The following PCDHA2 variants were observed in gnomAD, a reference collection of about 807,000 sequenced individuals.
The protein encoded by PCDHA2 is protocadherin alpha-2.
PCDHA2 carries 58 observed loss-of-function variants against 66.0 expected under a neutral mutation model. The observed-to-expected ratio is 0.88, with a 90% CI of 0.71 to 1.09. The LOEUF (loss-of-function observed/expected upper bound fraction) is 1.09, where lower values mean the gene tolerates loss of function less well. Among genes scored for constraint, PCDHA2 ranks in the 50% least tolerant of loss-of-function variants. The pLI, the probability that PCDHA2 is intolerant of heterozygous loss-of-function variation, is 0.00. For missense variants in PCDHA2, 1,267 were observed against 1,242.3 expected (o/e 1.02, Z -0.30); for synonymous variants, 634 against 554.0 (o/e 1.14, Z -2.03).
rs2150348656 is a variant in PCDHA2, at chr5:140,842,958, G to A, written c.2388+45606G>A. On this transcript the variant is annotated intron_variant, in intron 1 of 3. Transcript: ENST00000526136. ...CGCGACGCGGGCGTGCCGCCTCTGG[G>A]CAGCAACGTGACGCTGCAGGTGTTC... 1.4e-5 allele frequency: 22 copies of A among 1,594,922 alleles called. 1 individual carries two copies. The South Asian group carries it at 2.2e-4, about 16-fold the overall frequency.
At chr5:140,989,723 G>A (rs2097356372) in intron 3 of PCDHA2, among the ~76,000 whole-genome samples, 1 of 152,180 alleles carries the variant, frequency 6.6e-6, no homozygotes, top group African/African-American at 2.4e-5. Flanking sequence ...CAGCTTTGCA[G>A]TTGAAAAGGC....
Position 140,968,192 on chromosome 5 carries a change from A to G in PCDHA2, c.2389-10757A>G, listed in dbSNP as rs555596025. The G allele has an allele frequency of 2.5e-6, 4 of 1,614,038 alleles. No individual in the cohort carries two copies. The Admixed American group carries it at 5.0e-5, about 20-fold the overall frequency. ...AAGCTTCCTGGAGGACTCCTATTCC[A>G]TCTACATACAGGAGAACAATTTGCC... On this transcript the variant is annotated intron_variant, in intron 1 of 3. Coordinates refer to ENST00000526136, the MANE Select transcript of PCDHA2 (RefSeq NM_018905.3).
At chr5:140,910,116 A>C (rs1205054200) in intron 1 of PCDHA2, among the ~76,000 whole-genome samples, 1 of 152,222 alleles carries the variant, frequency 6.6e-6, no homozygotes, top group Non-Finnish European at 1.5e-5. Flanking sequence ...AAGGGATTCT[A>C]GGTCTGTAAA....
intron 1 of PCDHA2, among the ~76,000 whole-genome samples, chr5:140,800,356 G>T (rs1189483856): frequency 6.6e-6 from 1 of 152,048 alleles, no homozygotes; most frequent in Admixed American, 6.5e-5. Flanking sequence ...CTTGAAAAAG[G>T]GGCATGGGAG....
At chr5:140,929,015 A>C (rs1563111690) in intron 1 of PCDHA2, 3 of 1,614,016 alleles carry the variant, frequency 1.9e-6, no homozygotes, top group African/African-American at 1.3e-5. Flanking sequence ...ACCAAGTTGC[A>C]CCAGAGCCCA....
chr5:140,928,126 C>G (rs782461261), intron 1 of PCDHA2: 1 of 1,614,058 alleles, frequency 6.2e-7, no homozygotes, highest in African/African-American at 1.3e-5. Context: ...CAGTGAATAC[C>G]AAGTCCTGAT....
chr5:140,850,343 C>T, intron 1 of PCDHA2: 1 of 1,597,790 alleles, frequency 6.3e-7, no homozygotes. Flanking sequence ...CAGAAACGGC[C>T]AGCGCGAGCA....
intron 1 of PCDHA2, chr5:140,841,170 T>G: frequency 1.0e-6 from 1 of 982,276 alleles, no homozygotes; most frequent in Non-Finnish European, 1.5e-6. Context: ...AAGTTCTGGT[T>G]GGTCAATGTT....
rs139113749 is a variant in PCDHA2, at chr5:140,843,258, G to C, written c.2388+45906G>C. On this transcript the variant is annotated intron_variant, in intron 1 of 3. Transcript: ENST00000526136. ...GACGAAGCGGACTCTCCGCGCCACC[G>C]TCTGCTGGTCCTGGTGAAGGATCAT... 5 of 1,595,952 alleles carry C rather than the reference G, an allele frequency of 3.1e-6. 1 individual carries two copies. The African/African-American group carries it at 5.4e-5, about 17-fold the overall frequency.
At chr5:140,841,749 C>T in intron 1 of PCDHA2, 1 of 1,613,878 alleles carries the variant, frequency 6.2e-7, no homozygotes, top group Non-Finnish European at 8.5e-7. Flanking sequence ...CTGTTTGTTT[C>T]AGAATCCAGA....
intron 1 of PCDHA2, among the ~76,000 whole-genome samples, chr5:140,838,280 A>ATTTT (rs34299325): frequency 0.022 from 3,084 of 139,540 alleles, 138 homozygotes; most frequent in African/African-American, 0.08. Context: ...AGCCATGCTA[A>ATTTT]TTTTTTTTTT....
chr5:140,896,090 C>CA (rs2065374359), intron 1 of PCDHA2, among the ~76,000 whole-genome samples: 1 of 152,152 alleles, frequency 6.6e-6, no homozygotes, highest in Non-Finnish European at 1.5e-5. Flanking sequence ...GGATTACAGG[C>CA]GTGAGCCACT....
chr5:140,797,079 C>A lies in PCDHA2; in HGVS notation c.2115C>A (p.Cys705Ter), dbSNP rs781862610. Residue 705 changes from cysteine to a stop codon, truncating the protein, a stop_gained, in exon 1 of 4, where the codon TGC becomes TGA. Transcript: ENST00000526136. LOFTEE classifies it high-confidence loss of function. ...DVNVYLIIAI[C>*]AVSSLLVLTV... is the part of the protein sequence containing the mutation. Reference sequence around the variant, plus strand: ...ACGTGTACCTGATCATCGCCATCTGCGCGGTATCCAGCCTGTTGGTGCTCA... The same window carrying A: ...ACGTGTACCTGATCATCGCCATCTGAGCGGTATCCAGCCTGTTGGTGCTCA... The A allele has an allele frequency of 7.4e-6, 12 of 1,613,792 alleles. No individual in the cohort carries two copies. The highest frequency in any genetic ancestry group is 1.0e-5 in the Non-Finnish European group (12 of 1,179,978).
intron 1 of PCDHA2, among the ~76,000 whole-genome samples, chr5:140,896,881 A>C (rs1436700773): frequency 9.9e-5 from 15 of 152,204 alleles, no homozygotes; most frequent in Non-Finnish European, 1.3e-4. Context: ...TTTATGGGGT[A>C]TATGAGACAT....
intron 1 of PCDHA2, chr5:140,828,825 C>T: frequency 1.2e-6 from 2 of 1,614,200 alleles, no homozygotes; most frequent in Non-Finnish European, 8.5e-7. Flanking sequence ...TTCGAACAGT[C>T]TGAATACGAA....
At position 140,823,478 on chromosome 5, in the gene PCDHA2, G is replaced by A. The variant is rs2150126228; in HGVS notation, c.2388+26126G>A. ...AACGCGCCGGCGCTGCTGGTGCCTC[G>A]AGTGGGTGGCACCGGCGGCGCAGTG... On this transcript the variant is annotated intron_variant, in intron 1 of 3. Coordinates refer to ENST00000526136, the MANE Select transcript of PCDHA2 (RefSeq NM_018905.3). 51 of 1,613,354 alleles carry A rather than the reference G, an allele frequency of 3.2e-5. No homozygotes were observed. Among genetic ancestry groups the A allele is most frequent in the Non-Finnish European group, 3.7e-5 (44 of 1,179,732 alleles).
intron 1 of PCDHA2, among the ~76,000 whole-genome samples, chr5:140,937,289 G>A (rs1252675615): frequency 6.6e-5 from 10 of 151,862 alleles, no homozygotes; most frequent in African/African-American, 9.7e-5. Flanking sequence ...CACCCGCTTC[G>A]GCCTCCCAAA....
rs371577720 is a variant in PCDHA2 at position 140,877,172 on chromosome 5, C to G, written c.2388+79820C>G. 239 of 1,613,700 alleles carry G rather than the reference C, an allele frequency of 1.5e-4. No homozygotes were observed. Among genetic ancestry groups the G allele is most frequent in the Non-Finnish European group, 1.9e-4 (229 of 1,179,846 alleles). On this transcript the variant is annotated intron_variant, in intron 1 of 3. Transcript: ENST00000526136. ...AACGACAACGCGCCGGCACTGCTGG[C>G]GACTCCGGCTGGCAGCGCAGGAGGC...
intron 2 of PCDHA2, 148 bp from the exon 3 acceptor site, chr5:140,982,327 C>A: frequency 7.0e-7 from 1 of 1,419,146 alleles, no homozygotes; most frequent in South Asian, 1.4e-5. Context: ...AGGGTGACTG[C>A]TCAGCAGTAA....
Sources: gnomAD v4.1 joint callset for allele counts (sites outside exome capture counted in the v4.1 genomes callset) on GRCh38, gnomAD v4.1.1 for gene constraint, MANE v1.5 for transcripts, NCBI Gene and HGNC (gene_info 2026-07-23, HGNC 2026-07-21) for gene names.